GRIK4: variants seen among roughly 807,000 people sequenced by gnomAD.
GRIK4 encodes the protein glutamate receptor ionotropic, kainate 4.
GRIK4 carries 40 observed loss-of-function variants against 104.9 expected under a neutral mutation model. The ratio of observed to expected loss-of-function variants is 0.38; its 90% CI spans 0.30 to 0.50. GRIK4 has a LOEUF of 0.50. Ranked by LOEUF, GRIK4 falls within the 20% of genes least tolerant of loss-of-function variation. The probability of loss-of-function intolerance (pLI) is 0.93; values close to 1 mark genes in which losing one functional copy is unlikely to be tolerated. For missense variants in GRIK4, 1,047 were observed against 1,308.1 expected (o/e 0.80, Z 3.08); for synonymous variants, 485 against 524.9 (o/e 0.92, Z 1.04).
intron 1 of GRIK4, among the ~76,000 whole-genome samples, chr11:120,572,241 C>T (rs1039103763): frequency 1.3e-5 from 2 of 152,186 alleles, no homozygotes; most frequent in African/African-American, 4.8e-5. Flanking sequence ...CCCAAAGCCT[C>T]CATCCCTTAA....
In GRIK4 at chr11:120,825,180, C is replaced by T. The variant is rs551745368; in HGVS notation, c.511+5260C>T. Among the ~76,000 whole-genome samples, 6 of 152,290 alleles carry T rather than the reference C, an allele frequency of 3.9e-5. No homozygotes were observed. The South Asian group carries it at 1.2e-3, about 32-fold the overall frequency. On this transcript the variant is annotated intron_variant, in intron 6 of 20. Coordinates refer to ENST00000527524, the MANE Select transcript of GRIK4 (RefSeq NM_014619.5). ...ACCTTAGGTCATCCGCCCACCTCAG[C>T]CTCCCAAAGTGCTGGGGTTACAGGC...
chr11:120,962,420 T>G (rs756106736), intron 17 of GRIK4, 36 bp from the exon 18 acceptor site: 2 of 1,483,664 alleles, frequency 1.3e-6, no homozygotes, highest in East Asian at 2.3e-5. Flanking sequence ...TTCCTTCCTC[T>G]TTTCCCAATC....
At chr11:120,666,549 A>T (rs892574498) in intron 3 of GRIK4, among the ~76,000 whole-genome samples, 3 of 152,190 alleles carry the variant, frequency 2.0e-5, no homozygotes, top group Non-Finnish European at 4.4e-5. Flanking sequence ...GCATATTGTG[A>T]TCCATCATTG....
intron 8 of GRIK4, among the ~76,000 whole-genome samples, chr11:120,847,925 G>T (rs1036437386): frequency 3.3e-5 from 5 of 152,348 alleles, no homozygotes; most frequent in African/African-American, 1.2e-4. Flanking sequence ...CCTAAAAAGA[G>T]AATGGAAACC....
intron 12 of GRIK4, 52 bp downstream of exon 12, chr11:120,898,691 G>A (rs762723845): frequency 2.3e-5 from 23 of 990,130 alleles, no homozygotes; most frequent in South Asian, 1.2e-4. Flanking sequence ...GTGCCTCCCC[G>A]GCTCTGAGCA....
At chr11:120,923,258 G>A (rs1591288039) in intron 13 of GRIK4, among the ~76,000 whole-genome samples, 1 of 152,168 alleles carries the variant, frequency 6.6e-6, no homozygotes, top group South Asian at 2.1e-4. Context: ...CAGGTGGGAT[G>A]TTGCGGCCCA....
intron 3 of GRIK4, among the ~76,000 whole-genome samples, chr11:120,708,436 A>C (rs1950665750): frequency 6.6e-6 from 1 of 152,078 alleles, no homozygotes; most frequent in South Asian, 2.1e-4. Context: ...CATCAGAGAG[A>C]GACCAGAAAT....
At chr11:120,712,644 C>T (rs1321999172) in intron 3 of GRIK4, among the ~76,000 whole-genome samples, 2 of 151,258 alleles carry the variant, frequency 1.3e-5, no homozygotes, top group Non-Finnish European at 2.9e-5. Context: ...AAAAAAACTT[C>T]TACTTAAATT....
At chr11:120,923,665 G>A (rs575881814) in intron 13 of GRIK4, among the ~76,000 whole-genome samples, 21 of 152,044 alleles carry the variant, frequency 1.4e-4, no homozygotes, top group South Asian at 2.1e-4. Flanking sequence ...CGCCCGGCTC[G>A]GCCTCCCAAA....
At chr11:120,977,102 T>C (rs923894744) in intron 19 of GRIK4, among the ~76,000 whole-genome samples, 3 of 152,168 alleles carry the variant, frequency 2.0e-5, no homozygotes, top group African/African-American at 7.2e-5. Flanking sequence ...TTGGGCAAAA[T>C]ATTTGCGGGC....
chr11:120,632,081 C>A (rs1949339684), intron 1 of GRIK4, among the ~76,000 whole-genome samples: 1 of 152,144 alleles, frequency 6.6e-6, no homozygotes, highest in Non-Finnish European at 1.5e-5. Context: ...TGTGTTGAAT[C>A]CTAGCCCCCA....
At chr11:120,668,180 TAGAG>T (rs1949952568) in intron 3 of GRIK4, among the ~76,000 whole-genome samples, 1 of 150,498 alleles carries the variant, frequency 6.6e-6, no homozygotes, top group African/African-American at 2.5e-5. Context: ...GGTAGGTAGA[TAGAG>T]AGGTAGGTAG....
At chr11:120,615,668 G>A (rs1565575015) in intron 1 of GRIK4, among the ~76,000 whole-genome samples, 1 of 152,164 alleles carries the variant, frequency 6.6e-6, no homozygotes, top group Non-Finnish European at 1.5e-5. Context: ...GGCTTGGCTG[G>A]CACTCTTCCT....
intron 3 of GRIK4, among the ~76,000 whole-genome samples, chr11:120,732,602 C>G (rs532924606): frequency 6.6e-6 from 1 of 152,226 alleles, no homozygotes; most frequent in South Asian, 2.1e-4. Flanking sequence ...ATTTTTTCAT[C>G]ATTCGGGAGC....
chr11:120,796,193 G>A (rs1015861139), intron 3 of GRIK4, among the ~76,000 whole-genome samples: 5 of 151,864 alleles, frequency 3.3e-5, no homozygotes, highest in African/African-American at 9.7e-5. Flanking sequence ...CCGCCACAAC[G>A]CCTGGCATAT....
At chr11:120,749,530 CAGGCAGGA>C (rs1565330192) in intron 3 of GRIK4, among the ~76,000 whole-genome samples, 1 of 152,202 alleles carries the variant, frequency 6.6e-6, no homozygotes, top group Non-Finnish European at 1.5e-5. Context: ...TAGAGCTTTC[CAGGCAGGA>C]AGAGAAGGTG....
chr11:120,632,257 A>G lies in GRIK4; in HGVS notation c.-158-21428A>G, dbSNP rs537966737. ...TGCAACCTGGAAGACAGCCTTCACC[A>G]GAACCTGACCATGTCGCACCTTGAT... On this transcript the variant is annotated intron_variant, in intron 1 of 20. Coordinates refer to ENST00000527524, the MANE Select transcript of GRIK4 (RefSeq NM_014619.5). Among the ~76,000 whole-genome samples, 138 of 152,354 alleles carry G rather than the reference A, an allele frequency of 9.1e-4. 1 individual carries two copies. The highest frequency in any genetic ancestry group is 1.2e-3 in the Non-Finnish European group (82 of 68,034).
chr11:120,584,799 T>C (rs562713891), intron 1 of GRIK4, among the ~76,000 whole-genome samples: 68 of 152,374 alleles, frequency 4.5e-4, no homozygotes, highest in African/African-American at 1.6e-3. Context: ...TGAAAAGCCT[T>C]TTCTGCATCT....
At chr11:120,557,733 C>A (rs189741546) in intron 1 of GRIK4, among the ~76,000 whole-genome samples, 1 of 152,064 alleles carries the variant, frequency 6.6e-6, no homozygotes, top group African/African-American at 2.4e-5. Flanking sequence ...AAGAAGTAAT[C>A]GGGCCGGGCG....
Sources: allele counts gnomAD v4.1 joint callset (sites outside exome capture counted in the v4.1 genomes callset), GRCh38; gene constraint gnomAD v4.1.1; transcripts MANE v1.5; gene names NCBI Gene and HGNC (gene_info 2026-07-23, HGNC 2026-07-21).